SCN1A: variants seen among roughly 807,000 people sequenced by gnomAD.
SCN1A encodes sodium channel protein type 1 subunit alpha.
SCN1A carries 13 observed loss-of-function variants against 193.7 expected under a neutral mutation model. The observed-to-expected ratio is 0.07, with a 90% CI of 0.04 to 0.11. The LOEUF is 0.11. Among genes scored for constraint, SCN1A ranks in the 10% least tolerant of loss-of-function variants. SCN1A has a pLI of 1.00. For missense variants in SCN1A, 1,432 were observed against 2,451.1 expected, an observed-to-expected ratio of 0.58 and a Z score of 8.78; for synonymous variants, 781 against 843.6, an observed-to-expected ratio of 0.93 and a Z score of 1.29.
At chr2:166,143,106 T>C (rs1308801238) in intron 1 of SCN1A, among the ~76,000 whole-genome samples, 1 of 151,536 alleles carries the variant, frequency 6.6e-6, no homozygotes, top group African/African-American at 2.4e-5. Flanking sequence ...TGCCACTTTA[T>C]CAGAGAGCTA....
chr2:166,011,495 CTT>C (rs909804690), intron 22 of SCN1A, among the ~76,000 whole-genome samples: 6 of 149,754 alleles, frequency 4.0e-5, no homozygotes, highest in African/African-American at 1.5e-4. Flanking sequence ...TCTAGGAAAA[CTT>C]TCACTGCTGA....
chr2:166,045,408 CT>C, intron 12 of SCN1A, 81 bp from the exon 13 acceptor site: 1 of 1,460,564 alleles, frequency 6.8e-7, no homozygotes, highest in Non-Finnish European at 9.5e-7. Flanking sequence ...ATTTGCATGG[CT>C]TTTAAAAAAT....
In SCN1A at chr2:166,120,596, C is replaced by CT. The variant is rs57044851; in HGVS notation, c.-142+6327dup. 1.8e-3 allele frequency among the ~76,000 whole-genome samples: 127 copies of CT among 72,482 alleles called. 6 individuals carry two copies. Among genetic ancestry groups the CT allele is most frequent in the South Asian group, 1.9e-3 (3 of 1,542 alleles). 47.6% of individuals were successfully genotyped at this position (72,482 alleles called of 152,430 possible). On this transcript the variant is annotated intron_variant, in intron 2 of 28. Transcript: ENST00000674923. The stretch of plus-strand genomic sequence containing the variant: ...TAGACTGTTTTCTTTTTTCTTTTCT[C>CT]TTTTTTTTTTTTTTTTTTTTTTTTT...
chr2:166,134,822 A>G (rs1188849036), intron 1 of SCN1A, among the ~76,000 whole-genome samples: 2 of 152,194 alleles, frequency 1.3e-5, no homozygotes, highest in Non-Finnish European at 2.9e-5. Context: ...CCTGAGCTTT[A>G]TACCCCTCCT....
rs1267954785 is a variant in SCN1A, at chr2:165,986,255, A to G, written c.*4990T>C. Reference sequence around the variant, plus strand: ...CAGCTTTATAAATATTTATGGCATTATTCTTAATTTTCTGGCTTAACTATA... The same window carrying G: ...CAGCTTTATAAATATTTATGGCATTGTTCTTAATTTTCTGGCTTAACTATA... On this transcript the variant is annotated 3_prime_UTR_variant, in exon 29 of 29. Coordinates refer to ENST00000674923, the MANE Select transcript of SCN1A (RefSeq NM_001165963.4). 2.0e-5 allele frequency: 3 copies of G among 152,124 alleles called. No individual in the cohort carries two copies. The highest frequency in any genetic ancestry group is 6.6e-5 in the Admixed American group (1 of 15,256). The allele number at this position is 152,124 out of a possible 1,614,324, so 9.4% of individuals were successfully genotyped here.
At position 166,046,429 on chromosome 2, in the gene SCN1A, A is replaced by T. The variant is rs187957083; in HGVS notation, c.1377+341T>A. Among the ~76,000 whole-genome samples the T allele has an allele frequency of 5.3e-5, 8 of 152,288 alleles. No homozygotes were observed. The East Asian group carries it at 1.5e-3, about 29-fold the overall frequency. On this transcript the variant is annotated intron_variant, in intron 12 of 28. Coordinates refer to ENST00000674923, the MANE Select transcript of SCN1A (RefSeq NM_001165963.4). ...TAGAGGAGCAACTCTTCATATGATA[A>T]CCAATAATTTCTTGTTCTAAGAAAA... is the stretch of plus-strand genomic sequence containing the variant.
chr2:166,091,955 T>C (rs1686855404), intron 2 of SCN1A, among the ~76,000 whole-genome samples: 1 of 152,182 alleles, frequency 6.6e-6, no homozygotes, highest in Non-Finnish European at 1.5e-5. Context: ...CAAATGTCAC[T>C]GTCCTTCCCA....
rs757321841 is a variant in SCN1A at position 165,994,373 on chromosome 2, A to G, written c.4625T>C (p.Val1542Ala). 6.2e-7 allele frequency: 1 copy of G among 1,612,926 alleles called. No homozygotes were observed. The highest frequency in any genetic ancestry group is 1.1e-5 in the South Asian group (1 of 91,042). ...GMVFDFVTRQ[V>A]FDISIMILIC... is the part of the protein sequence containing the mutation. ...GAGAATCATGATGCTTATGTCAAAA[A>G]CTTGTCTGGTTACGAAGTCAAAGAC... Residue 1542 changes from valine (V) to alanine (A), a missense_variant, in exon 28 of 29, where the codon GTT becomes GCT. Physicochemically the swap from Val to Ala is moderately conservative, Grantham distance 64. Coordinates refer to ENST00000674923, the MANE Select transcript of SCN1A (RefSeq NM_001165963.4).
chr2:166,019,198 C>T (rs1693697568), intron 19 of SCN1A, among the ~76,000 whole-genome samples: 1 of 151,986 alleles, frequency 6.6e-6, no homozygotes, highest in Non-Finnish European at 1.5e-5. Flanking sequence ...GGAGTCACTC[C>T]ATATTTCAGA....
At chr2:166,143,368 G>A (rs1487960320) in intron 1 of SCN1A, among the ~76,000 whole-genome samples, 1 of 151,778 alleles carries the variant, frequency 6.6e-6, no homozygotes, top group Non-Finnish European at 1.5e-5. Context: ...GGGTTTCACT[G>A]TGTTAGCCAG....
At chr2:166,077,087 G>A (rs1685059112) in intron 3 of SCN1A, 1 of 151,750 alleles carries the variant, frequency 6.6e-6, no homozygotes, top group Non-Finnish European at 1.5e-5. Flanking sequence ...TGGTTTTCTA[G>A]GAGTGATGGT....
At chr2:166,052,341 A>G (rs2105892397) in intron 8 of SCN1A, among the ~76,000 whole-genome samples, 1 of 152,130 alleles carries the variant, frequency 6.6e-6, no homozygotes, top group East Asian at 1.9e-4. Context: ...ATAACAAAAT[A>G]CCTGAATAAA....
chr2:166,041,477 A>G lies in SCN1A; in HGVS notation c.2177-8T>C. On this transcript the variant is annotated splice_region_variant and splice_polypyrimidine_tract_variant and intron_variant, in intron 15 of 28. Coordinates refer to ENST00000674923, the MANE Select transcript of SCN1A (RefSeq NM_001165963.4). ...GCCTGGATTCTTCAAGTTCTAGATT[A>G]AGAAAAAAAAAAAAAAGAACCACCA... 7.0e-7 allele frequency: 1 copy of G among 1,421,350 alleles called. No homozygotes were observed. The highest frequency in any genetic ancestry group is 9.5e-7 in the Non-Finnish European group (1 of 1,048,574). The allele number at this position is 1,421,350 out of a possible 1,614,324, so 88.0% of individuals were successfully genotyped here.
chr2:166,006,557 C>T (rs1439327274), intron 23 of SCN1A, among the ~76,000 whole-genome samples: 1 of 151,294 alleles, frequency 6.6e-6, no homozygotes, highest in Non-Finnish European at 1.5e-5. Flanking sequence ...GGTATGTATT[C>T]TATTCTGCAT....
intron 2 of SCN1A, among the ~76,000 whole-genome samples, chr2:166,118,345 C>T (rs1430978691): frequency 2.8e-5 from 3 of 105,996 alleles, no homozygotes; most frequent in Admixed American, 2.7e-4. Context: ...AAGCGTCTCA[C>T]TCTCTTGCGC....
chr2:166,013,692 T>C, intron 21 of SCN1A, 52 bp downstream of exon 21: 2 of 1,526,356 alleles, frequency 1.3e-6, no homozygotes, highest in Non-Finnish European at 1.8e-6. Context: ...GTCATCAGTA[T>C]TAGAGTGTTC....
intron 18 of SCN1A, 112 bp from the exon 19 acceptor site, chr2:166,036,642 G>T: frequency 9.2e-7 from 1 of 1,085,302 alleles, no homozygotes; most frequent in Non-Finnish European, 1.3e-6. Context: ...TCTAAAACTT[G>T]ATGAGAAGGA....
chr2:166,124,516 C>A (rs1232487839), intron 2 of SCN1A, among the ~76,000 whole-genome samples: 5 of 152,170 alleles, frequency 3.3e-5, no homozygotes, highest in Non-Finnish European at 5.9e-5. Context: ...CACTGCACTG[C>A]AGCCTGGGTG....
intron 19 of SCN1A, among the ~76,000 whole-genome samples, chr2:166,024,024 A>C (rs1694415147): frequency 6.6e-6 from 1 of 152,076 alleles, no homozygotes; most frequent in South Asian, 2.1e-4. Flanking sequence ...TGATCCACCT[A>C]CCTCAGCCTC....
Sources: allele counts gnomAD v4.1 joint callset (sites outside exome capture counted in the v4.1 genomes callset), GRCh38; gene constraint gnomAD v4.1.1; transcripts MANE v1.5; gene names NCBI Gene and HGNC (gene_info 2026-07-23, HGNC 2026-07-21).